The following AKAP19 variants were observed in gnomAD, a reference collection of about 807,000 sequenced individuals.
AKAP19 encodes A-kinase anchoring protein 19.
the AKAP19 span, among the ~76,000 whole-genome samples, chr2:189,899,143 C>A: frequency 1.3e-5 from 2 of 152,108 alleles, no homozygotes; most frequent in African/African-American, 4.8e-5. Context: ...ACCCAGCAAA[C>A]TTCTATTTAT....
the AKAP19 span, among the ~76,000 whole-genome samples, chr2:189,948,072 A>T: frequency 6.6e-6 from 1 of 152,174 alleles, no homozygotes; most frequent in Non-Finnish European, 1.5e-5. Flanking sequence ...TGTGAGACTT[A>T]TCACAGCGGT....
chr2:189,897,015 C>T, the AKAP19 span, among the ~76,000 whole-genome samples: 3 of 152,046 alleles, frequency 2.0e-5, no homozygotes, highest in African/African-American at 7.2e-5. Context: ...AATTCCAGCT[C>T]TATTCATTAC....
chr2:190,057,573 G>A, the AKAP19 span: 1 of 1,613,518 alleles, frequency 6.2e-7, no homozygotes, highest in Non-Finnish European at 8.5e-7. Flanking sequence ...GCTCATCACA[G>A]TCAAGACCAA....
chr2:190,191,224 G>C, the AKAP19 span, among the ~76,000 whole-genome samples: 1 of 152,060 alleles, frequency 6.6e-6, no homozygotes, highest in Non-Finnish European at 1.5e-5. Flanking sequence ...TGCAACCTCT[G>C]TTCTGCCTCC....
chr2:190,100,997 G>A, the AKAP19 span, among the ~76,000 whole-genome samples: 1 of 152,192 alleles, frequency 6.6e-6, no homozygotes, highest in Admixed American at 6.5e-5. Context: ...CCCAAGCTCT[G>A]GAGCTAACTT....
At chr2:189,961,585 G>C in the AKAP19 span, among the ~76,000 whole-genome samples, 21 of 151,962 alleles carry the variant, frequency 1.4e-4, no homozygotes, top group East Asian at 3.7e-3. Flanking sequence ...TAAGTCCCAG[G>C]TTCTTGACAT....
At chr2:189,956,230 C>G in the AKAP19 span, among the ~76,000 whole-genome samples, 1 of 123,562 alleles carries the variant, frequency 8.1e-6, no homozygotes, top group Non-Finnish European at 1.6e-5. Context: ...AGTGCAGTGG[C>G]GGGATCTCGG....
At chr2:189,992,919 G>C in the AKAP19 span, among the ~76,000 whole-genome samples, 6 of 152,158 alleles carry the variant, frequency 3.9e-5, no homozygotes, top group Non-Finnish European at 7.4e-5. Context: ...CTTTTTGGAT[G>C]AATCTTTAGG....
the AKAP19 span, among the ~76,000 whole-genome samples, chr2:190,129,741 CAGA>C: frequency 6.6e-6 from 1 of 151,980 alleles, no homozygotes; most frequent in Non-Finnish European, 1.5e-5. Flanking sequence ...TCACCATGAT[CAGA>C]AGATCCTATA....
At chr2:190,166,577 C>A in the AKAP19 span, among the ~76,000 whole-genome samples, 791 of 151,940 alleles carry the variant, frequency 5.2e-3, 4 homozygotes, top group Non-Finnish European at 8.4e-3. Context: ...GAATTACAAC[C>A]AAGTTTGGTT....
At chr2:190,199,917 G>A in the AKAP19 span, 1 of 1,614,118 alleles carries the variant, frequency 6.2e-7, no homozygotes, top group Non-Finnish European at 8.5e-7. Flanking sequence ...ATGAAGGTGA[G>A]AAGCAGCATG....
chr2:189,937,474 C>A, the AKAP19 span, among the ~76,000 whole-genome samples: 1 of 152,060 alleles, frequency 6.6e-6, no homozygotes, highest in African/African-American at 2.4e-5. Context: ...GAGATCATCA[C>A]CAGCAATATC....
chr2:190,199,252 T>TTGTG, the AKAP19 span, among the ~76,000 whole-genome samples: 1 of 152,174 alleles, frequency 6.6e-6, no homozygotes, highest in Non-Finnish European at 1.5e-5. Flanking sequence ...ATTTTAAGCT[T>TTGTG]TGTGGGCCAC....
the AKAP19 span, among the ~76,000 whole-genome samples, chr2:190,171,625 T>C: frequency 8.5e-5 from 13 of 152,302 alleles, no homozygotes; most frequent in African/African-American, 3.1e-4. Context: ...AATATATAAT[T>C]GGTGGATATT....
At chr2:190,111,317 T>A in the AKAP19 span, among the ~76,000 whole-genome samples, 1 of 152,184 alleles carries the variant, frequency 6.6e-6, no homozygotes. Flanking sequence ...ATCAGATTCC[T>A]TCTCATGGCT....
the AKAP19 span, among the ~76,000 whole-genome samples, chr2:190,005,675 T>C: frequency 6.6e-6 from 1 of 152,360 alleles, no homozygotes; most frequent in Admixed American, 6.5e-5. Context: ...TCTCATGGTT[T>C]TTCTTTTCCT....
At chr2:190,069,541 T>A in the AKAP19 span, among the ~76,000 whole-genome samples, 1 of 152,144 alleles carries the variant, frequency 6.6e-6, no homozygotes, top group Non-Finnish European at 1.5e-5. Flanking sequence ...ACTCCATTGG[T>A]GGTTTGAAGG....
At chr2:190,136,501 G>T in the AKAP19 span, among the ~76,000 whole-genome samples, 4 of 152,166 alleles carry the variant, frequency 2.6e-5, no homozygotes, top group African/African-American at 4.8e-5. Flanking sequence ...GCACGCAGAT[G>T]ATCAAAGGTT....
chr2:189,947,504 CTT>C, the AKAP19 span, among the ~76,000 whole-genome samples: 1 of 152,034 alleles, frequency 6.6e-6, no homozygotes, highest in Admixed American at 6.5e-5. Context: ...AATAATGACA[CTT>C]TGTCACCAGA....
Sources: gnomAD v4.1 joint callset for allele counts (sites outside exome capture counted in the v4.1 genomes callset) on GRCh38, gnomAD v4.1.1 for gene constraint, MANE v1.5 for transcripts, NCBI Gene and HGNC (gene_info 2026-07-23, HGNC 2026-07-21) for gene names.